The following SSTR1 variants were observed in gnomAD, a reference collection of about 807,000 sequenced individuals.
SSTR1 encodes the protein somatostatin receptor 1, also known as somatostatin receptor type 1.
SSTR1 carries 10 observed loss-of-function variants against 20.7 expected under a neutral mutation model. That is an observed-to-expected ratio of 0.48 (90% CI 0.30 to 0.82). The LOEUF is 0.82. SSTR1 is among the 40% of genes least tolerant of loss of function. The pLI is 0.07. For synonymous variants in SSTR1, 267 were observed against 227.8 expected (o/e 1.17, Z -1.55); for missense variants, 494 against 540.0 (o/e 0.91, Z 0.84).
At position 38,209,662 on chromosome 14, in the gene SSTR1, G is replaced by C. The variant is rs1042903870; in HGVS notation, c.273G>C (p.Thr91=). The change falls in exon 3 of 3, where the codon ACG becomes ACC. Residue 91 remains threonine, a synonymous_variant. Coordinates refer to ENST00000267377, the MANE Select transcript of SSTR1 (RefSeq NM_001049.3). The part of the protein sequence containing the change: ...YVILRYAKMK[T]ATNIYILNLA... ...TCCTGCGCTATGCCAAGATGAAGAC[G>C]GCCACCAACATCTACATCCTAAATC... 3.1e-6 allele frequency: 5 copies of C among 1,613,902 alleles called. No individual in the cohort carries two copies. The African/African-American group carries it at 6.7e-5, about 22-fold the overall frequency.
At chr14:38,208,853 C>T (rs1252649833) in intron 2 of SSTR1, among the ~76,000 whole-genome samples, 193 bp from the exon 3 acceptor site, 2 of 152,146 alleles carry the variant, frequency 1.3e-5, no homozygotes, top group African/African-American at 4.8e-5. Context: ...TTCCCACCCG[C>T]CCTCCAGTAA....
Position 38,212,869 on chromosome 14 carries a change from T to G in SSTR1, c.*2304T>G, listed in dbSNP as rs1020317183. On this transcript the variant is annotated 3_prime_UTR_variant, in exon 3 of 3. Transcript: ENST00000267377. ...GAACAAATATGCTTTGGGTCATAAA[T>G]CAGAAAGTTTAGATCTGTCCCTTAA... is the stretch of plus-strand genomic sequence containing the variant. 1.8e-5 allele frequency: 3 copies of G among 167,076 alleles called. No individual in the cohort carries two copies. The highest frequency in any genetic ancestry group is 4.4e-5 in the Non-Finnish European group (3 of 68,104). The allele number at this position is 167,076 out of a possible 1,614,324, so 10.3% of individuals were successfully genotyped here.
In SSTR1 at chr14:38,207,916, A is replaced by T. The variant is rs1460484152; in HGVS notation, c.-700A>T. On this transcript the variant is annotated 5_prime_UTR_variant, in exon 1 of 3. Transcript: ENST00000267377. ...GTGACCCAGAGCCAGCTCACAAATC[A>T]AGCCTCAGAAAGAGCTGACATCCTA... 6.6e-6 allele frequency: 1 copy of T among 152,184 alleles called. No individual in the cohort carries two copies. Among genetic ancestry groups the T allele is most frequent in the Non-Finnish European group, 1.5e-5 (1 of 68,034 alleles). The allele number at this position is 152,184 out of a possible 1,614,324, so 9.4% of individuals were successfully genotyped here.
In SSTR1 at chr14:38,210,328, T is replaced by C. The variant is rs72681148; in HGVS notation, c.939T>C (p.Tyr313=). Reference sequence around the variant, plus strand: ...GTCAGCTGTCGGTCATCCTCGGCTATGCCAACAGCTGCGCCAACCCCATCC... The same window carrying C: ...GTCAGCTGTCGGTCATCCTCGGCTACGCCAACAGCTGCGCCAACCCCATCC... ...TVSQLSVILG[Y]ANSCANPILY... Residue 313 remains tyrosine, a synonymous_variant, in exon 3 of 3, where the codon TAT becomes TAC. Coordinates refer to ENST00000267377, the MANE Select transcript of SSTR1 (RefSeq NM_001049.3). The C allele has an allele frequency of 1.3e-3, 2,086 of 1,614,258 alleles. 2 individuals are homozygous for C. Among genetic ancestry groups the C allele is most frequent in the Non-Finnish European group, 1.6e-3 (1,939 of 1,180,042 alleles).
chr14:38,208,809 G>C (rs2139295657), intron 2 of SSTR1, among the ~76,000 whole-genome samples, 200 bp downstream of exon 2: 1 of 152,318 alleles, frequency 6.6e-6, no homozygotes, highest in Admixed American at 6.5e-5. Context: ...TTGGGTAGGA[G>C]AGGAGTGGAA....
Position 38,210,286 on chromosome 14 carries a change from G to A in SSTR1, c.897G>A (p.Gln299=). ...AGCTGGTCAACGTGTTTGCTGAGCA[G>A]GACGACGCCACGGTGAGTCAGCTGT... ...VVQLVNVFAE[Q]DDATVSQLSV... Residue 299 remains glutamine, a synonymous_variant, in exon 3 of 3, where the codon CAG becomes CAA. Coordinates refer to ENST00000267377, the MANE Select transcript of SSTR1 (RefSeq NM_001049.3). The A allele has an allele frequency of 6.2e-7, 1 of 1,614,210 alleles. No homozygotes were observed. Among genetic ancestry groups the A allele is most frequent in the Non-Finnish European group, 8.5e-7 (1 of 1,180,028 alleles).
intron 2 of SSTR1, among the ~76,000 whole-genome samples, chr14:38,208,837 C>T (rs558571150): frequency 6.6e-6 from 1 of 152,266 alleles, no homozygotes; most frequent in South Asian, 2.1e-4. Context: ...GAATCTATAC[C>T]TTTGGTTCCC....
chr14:38,209,496 A>C lies in SSTR1; in HGVS notation c.107A>C (p.Asp36Ala), dbSNP rs1883281547. 1.9e-6 allele frequency: 3 copies of C among 1,577,160 alleles called. No homozygotes were observed. The highest frequency in any genetic ancestry group is 1.2e-5 in the South Asian group (1 of 84,008). The change falls in exon 3 of 3, where the codon GAC (aspartate) becomes GCC (alanine). Residue 36 changes from aspartate to alanine, a missense_variant. Asp to Ala is a moderately radical substitution (Grantham distance 126). Transcript: ENST00000267377. ...AGGGGCCCCGGGGCCGGCGCTGCGG[A>C]CGGCATGGAGGAGCCAGGGCGAAAT... Reference protein sequence around the residue: ...GSRGPGAGAADGMEEPGRNAS... With the variant: ...GSRGPGAGAAAGMEEPGRNAS...
Position 38,209,592 on chromosome 14 carries a change from T to A in SSTR1, c.203T>A (p.Val68Glu), listed in dbSNP as rs751004108. ...AILISFIYSV[V>E]CLVGLCGNSM... The stretch of plus-strand genomic sequence containing the variant: ...CTGATCTCTTTCATCTACTCCGTGG[T>A]GTGCCTGGTGGGGCTGTGTGGGAAC... The change falls in exon 3 of 3, where the codon GTG (valine) becomes GAG (glutamate). Residue 68 changes from valine to glutamate, a missense_variant. Coordinates refer to ENST00000267377, the MANE Select transcript of SSTR1 (RefSeq NM_001049.3). 16 of 1,613,708 alleles carry A rather than the reference T, an allele frequency of 9.9e-6. No individual in the cohort carries two copies. The highest frequency in any genetic ancestry group is 1.7e-5 in the Admixed American group (1 of 59,992).
intron 2 of SSTR1, 22 bp from the exon 3 acceptor site, chr14:38,209,024 A>AC (rs911504540): frequency 4.7e-6 from 1 of 211,910 alleles, no homozygotes; most frequent in African/African-American, 2.3e-5. Flanking sequence ...CCCTTTCTCC[A>AC]CCCCACCCCC....
chr14:38,210,856 A>C lies in SSTR1; in HGVS notation c.*291A>C, dbSNP rs1594459636. ...TTCCTCCACTGCGCTTACTCCTCTGACCCTCCTTCTATTTTCCCTACCCTG... is the reference window on the plus strand; with the variant it reads ...TTCCTCCACTGCGCTTACTCCTCTGCCCCTCCTTCTATTTTCCCTACCCTG... On this transcript the variant is annotated 3_prime_UTR_variant, in exon 3 of 3. Transcript: ENST00000267377. 5 of 506,524 alleles carry C rather than the reference A, an allele frequency of 9.9e-6. No homozygotes were observed. Among genetic ancestry groups the C allele is most frequent in the South Asian group, 8.3e-5 (2 of 24,214 alleles). The allele number at this position is 506,524 out of a possible 1,614,324, so 31.4% of individuals were successfully genotyped here.
In SSTR1 at chr14:38,209,395, C is replaced by T; in HGVS notation, c.6C>T (p.Phe2=). 1 of 1,505,696 alleles carries T rather than the reference C, an allele frequency of 6.6e-7. No individual in the cohort carries two copies. The highest frequency in any genetic ancestry group is 8.8e-7 in the Non-Finnish European group (1 of 1,130,024). The allele number at this position is 1,505,696 out of a possible 1,614,324, so 93.3% of individuals were successfully genotyped here. Residue 2 remains phenylalanine (F), a synonymous_variant, in exon 3 of 3, where the codon TTC becomes TTT. Transcript: ENST00000267377. M[F]PNGTASSPSS... is the part of the protein sequence containing the mutation. ...ACTGGCCCCCCTCAGCTGGGATGTT[C>T]CCCAATGGCACCGCCTCCTCTCCTT...
At position 38,210,824 on chromosome 14, in the gene SSTR1, C is replaced by A; in HGVS notation, c.*259C>A. 1 of 774,438 alleles carries A rather than the reference C, an allele frequency of 1.3e-6. No homozygotes were observed. Among genetic ancestry groups the A allele is most frequent in the Non-Finnish European group, 1.9e-6 (1 of 517,994 alleles). 48.0% of individuals were successfully genotyped at this position (774,438 alleles called of 1,614,324 possible). A position where few individuals can be genotyped will look rare whatever the true frequency, so the allele number is the denominator to read the frequency against. ...TACCTTTTTCTGGGTCTCCCACTTT[C>A]TGTTCCTTCCTCCACTGCGCTTACT... On this transcript the variant is annotated 3_prime_UTR_variant, in exon 3 of 3. Transcript: ENST00000267377.
Position 38,209,870 on chromosome 14 carries a change from C to T in SSTR1, c.481C>T (p.His161Tyr). ...CGTGGACCGCTACGTGGCCGTGGTG[C>T]ATCCCATCAAGGCGGCCCGCTACCG... ...LSVDRYVAVVHPIKAARYRRP... is the reference protein window; with the variant it reads ...LSVDRYVAVVYPIKAARYRRP... Residue 161 changes from histidine to tyrosine, a missense_variant, in exon 3 of 3, where the codon CAT (histidine) becomes TAT (tyrosine). By Grantham distance (83) the His-to-Tyr change is moderately conservative (BLOSUM62 2). Coordinates refer to ENST00000267377, the MANE Select transcript of SSTR1 (RefSeq NM_001049.3). The T allele has an allele frequency of 6.2e-7, 1 of 1,613,896 alleles. No individual in the cohort carries two copies. The highest frequency in any genetic ancestry group is 8.5e-7 in the Non-Finnish European group (1 of 1,180,042).
rs1377377468 is a variant in SSTR1 at position 38,210,025 on chromosome 14, G to T, written c.636G>T (p.Met212Ile). The change falls in exon 3 of 3, where the codon ATG (methionine) becomes ATT (isoleucine). Residue 212 changes from methionine to isoleucine, a missense_variant. Physicochemically the swap from Met to Ile is conservative, Grantham distance 10. Around this residue, in one of 3 missense-constraint regions of SSTR1, gnomAD observed 280 missense variants for 286.1 expected, o/e 0.98. Transcript: ENST00000267377. ...GCACGGTGGCTTGCAACATGCTCAT[G>T]CCAGAGCCCGCTCAACGCTGGCTGG... ...SDGTVACNML[M>I]PEPAQRWLVG... 2 of 1,614,044 alleles carry T rather than the reference G, an allele frequency of 1.2e-6. No homozygotes were observed. Among genetic ancestry groups the T allele is most frequent in the Non-Finnish European group, 1.7e-6 (2 of 1,180,056 alleles).
Position 38,210,529 on chromosome 14 carries a change from T to C in SSTR1, c.1140T>C (p.Arg380=). 6.3e-7 allele frequency: 1 copy of C among 1,575,272 alleles called. No individual in the cohort carries two copies. The highest frequency in any genetic ancestry group is 8.6e-7 in the Non-Finnish European group (1 of 1,160,128). ...ACCTGGAGTCCGGCGGCGTCTTCCG[T>C]AATGGCACCTGCACGTCCCGGATCA... ...PENLESGGVF[R]NGTCTSRITT... The change falls in exon 3 of 3, where the codon CGT becomes CGC. Residue 380 remains arginine (R), a synonymous_variant. Coordinates refer to ENST00000267377, the MANE Select transcript of SSTR1 (RefSeq NM_001049.3).
At position 38,210,556 on chromosome 14, in the gene SSTR1, G is replaced by C. The variant is rs1314651773; in HGVS notation, c.1167G>C (p.Thr389=). The change falls in exon 3 of 3, where the codon ACG becomes ACC. Residue 389 remains threonine (T), a synonymous_variant. Coordinates refer to ENST00000267377, the MANE Select transcript of SSTR1 (RefSeq NM_001049.3). ...ATGGCACCTGCACGTCCCGGATCAC[G>C]ACGCTCTGAGCCCGGGCCACGCAGG... ...FRNGTCTSRI[T]TL The C allele has an allele frequency of 1.3e-6, 2 of 1,593,240 alleles. No homozygotes were observed. The highest frequency in any genetic ancestry group is 2.3e-5 in the South Asian group (2 of 87,588).
Position 38,210,412 on chromosome 14 carries a change from C to T in SSTR1, c.1023C>T (p.Ser341=). ...KRSFQRILCL[S]WMDNAAEEPV... ...CTTTCCAACGCATCCTATGCCTCAG[C>T]TGGATGGACAACGCCGCGGAGGAGC... Residue 341 remains serine (S), a synonymous_variant, in exon 3 of 3, where the codon AGC becomes AGT. Coordinates refer to ENST00000267377, the MANE Select transcript of SSTR1 (RefSeq NM_001049.3). 2 of 1,614,244 alleles carry T rather than the reference C, an allele frequency of 1.2e-6. No homozygotes were observed. The highest frequency in any genetic ancestry group is 1.3e-5 in the African/African-American group (1 of 75,070).
chr14:38,210,183 C>T lies in SSTR1; in HGVS notation c.794C>T (p.Ser265Leu), dbSNP rs1358256020. The change falls in exon 3 of 3, where the codon TCG (serine) becomes TTG (leucine). Residue 265 changes from serine to leucine, a missense_variant. Physicochemically the swap from Ser to Leu is moderately radical, Grantham distance 145. Around this residue, in one of 3 missense-constraint regions of SSTR1, gnomAD observed 280 missense variants for 286.1 expected, o/e 0.98. Transcript: ENST00000267377. ...GCCGGCTGGCAGCAGCGCAAGCGCT[C>T]GGAGCGCAAGATCACCTTAATGGTG... ...LKAGWQQRKR[S>L]ERKITLMVMM... is the part of the protein sequence containing the mutation. 6.2e-7 allele frequency: 1 copy of T among 1,614,246 alleles called. No individual in the cohort carries two copies.
Sources: gnomAD v4.1 joint callset for allele counts (sites outside exome capture counted in the v4.1 genomes callset) on GRCh38, gnomAD v4.1.1 for gene constraint, gnomAD v4.1.1 regional missense constraint, MANE v1.5 for transcripts, NCBI Gene and HGNC (gene_info 2026-07-23, HGNC 2026-07-21) for gene names.